Variants in MYH11 observed in about 807,000 individuals in gnomAD.
MYH11 encodes the protein myosin heavy chain 11, also known as myosin-11.
A neutral mutation model predicts 246.6 loss-of-function variants in MYH11; 80 were observed. The ratio of observed to expected loss-of-function variants is 0.32; its 90% CI spans 0.27 to 0.39. The LOEUF (loss-of-function observed/expected upper bound fraction) is 0.39, where lower values mean the gene tolerates loss of function less well. Ranked by LOEUF, MYH11 falls within the 10% of genes least tolerant of loss-of-function variation. The probability of loss-of-function intolerance (pLI) is 1.00; values close to 1 mark genes in which losing one functional copy is unlikely to be tolerated. For missense variants in MYH11, 2,158 were observed against 2,546.8 expected (o/e 0.85, Z 3.29); for synonymous variants, 1,071 against 1,015.5 (o/e 1.05, Z -1.04).
chr16:15,729,507 G>A (rs72772024), intron 27 of MYH11, among the ~76,000 whole-genome samples: 5,731 of 152,046 alleles, frequency 0.038, 154 homozygotes, highest in Middle Eastern at 0.078. Flanking sequence ...CAAGCATGGG[G>A]AGGGTCAGTG....
Position 15,719,666 on chromosome 16 carries a change from G to A in MYH11, c.5001C>T (p.Ser1667=), listed in dbSNP as rs1431318973. 3 of 1,614,044 alleles carry A rather than the reference G, an allele frequency of 1.9e-6. No individual in the cohort carries two copies. The highest frequency in any genetic ancestry group is 2.5e-6 in the Non-Finnish European group (3 of 1,180,036). Residue 1667 remains serine (S), a synonymous_variant, in exon 35 of 41, where the codon TCC becomes TCT. Transcript: ENST00000300036. ...FQRELEDARA[S]RDEIFATAKE... is the part of the protein sequence containing the mutation. Reference sequence around the variant, plus strand: ...TGGCTGTGGCAAAGATCTCATCTCTGGAGGCACGGGCATCTTCCAGCTCTC... The same window carrying A: ...TGGCTGTGGCAAAGATCTCATCTCTAGAGGCACGGGCATCTTCCAGCTCTC...
chr16:15,729,954 G>A (rs571674954), intron 27 of MYH11, among the ~76,000 whole-genome samples: 1 of 152,224 alleles, frequency 6.6e-6, no homozygotes, highest in South Asian at 2.1e-4. Context: ...CCAAAGTGCT[G>A]GGATTATAAG....
chr16:15,716,345 T>C (rs930695979), intron 38 of MYH11, among the ~76,000 whole-genome samples: 1 of 152,134 alleles, frequency 6.6e-6, no homozygotes, highest in African/African-American at 2.4e-5. Context: ...AATGGGTGCA[T>C]TGCAGGGCGT....
chr16:15,757,467 C>A (rs2041754272), intron 13 of MYH11, among the ~76,000 whole-genome samples: 1 of 130,190 alleles, frequency 7.7e-6, no homozygotes, highest in South Asian at 2.4e-4. Context: ...CAAGATTGTG[C>A]CACTGCACTC....
chr16:15,760,062 A>AC lies in MYH11; in HGVS notation c.1249-335dup, dbSNP rs143881323. The stretch of plus-strand genomic sequence containing the variant: ...CAGTGAGCTGCGATGGCACCACTGC[A>AC]CCCCCCCCTGGGCAACAGAGCAAGG... On this transcript the variant is annotated intron_variant, in intron 11 of 40. Coordinates refer to ENST00000300036, the MANE Select transcript of MYH11 (RefSeq NM_002474.3). Among the ~76,000 whole-genome samples, 56 of 151,688 alleles carry AC rather than the reference A, an allele frequency of 3.7e-4. No individual in the cohort carries two copies. In the South Asian group the frequency reaches 4.4e-3, roughly 12 times the overall value.
At chr16:15,759,483 C>A (rs1390756737) in intron 12 of MYH11, 93 bp downstream of exon 12, 43 of 1,546,554 alleles carry the variant, frequency 2.8e-5, no homozygotes, top group Non-Finnish European at 3.8e-5. Flanking sequence ...CAGTAGCCAT[C>A]TACATGCCTT....
intron 2 of MYH11, among the ~76,000 whole-genome samples, chr16:15,827,818 C>T (rs7191126): frequency 0.097 from 14,706 of 152,266 alleles, 1,531 homozygotes; most frequent in African/African-American, 0.26. Context: ...GTGGACTACA[C>T]TGAGCCAGGC....
intron 3 of MYH11, among the ~76,000 whole-genome samples, chr16:15,808,260 C>T (rs2043060018): frequency 6.6e-6 from 1 of 152,194 alleles, no homozygotes; most frequent in African/African-American, 2.4e-5. Context: ...CTGCTAATGC[C>T]TGTTGAACTT....
intron 3 of MYH11, among the ~76,000 whole-genome samples, chr16:15,819,050 T>A (rs2043336331): frequency 6.6e-6 from 1 of 151,974 alleles, no homozygotes; most frequent in African/African-American, 2.4e-5. Context: ...AGCTAATTAT[T>A]TTTTTGTAGA....
At chr16:15,732,737 G>A (rs376546395) in intron 26 of MYH11, 29 bp from the exon 27 acceptor site, 14 of 1,613,786 alleles carry the variant, frequency 8.7e-6, no homozygotes, top group Non-Finnish European at 1.2e-5. Context: ...GTGAATGGCA[G>A]TTGGGTGGAG....
intron 19 of MYH11, among the ~76,000 whole-genome samples, chr16:15,745,619 C>G (rs1160723169): frequency 1.6e-5 from 2 of 123,042 alleles, no homozygotes; most frequent in South Asian, 5.1e-4. Flanking sequence ...TAGAGTTTCG[C>G]TCTTGTTGCC....
intron 3 of MYH11, among the ~76,000 whole-genome samples, chr16:15,819,630 C>A (rs778927756): frequency 1.6e-4 from 24 of 152,142 alleles, no homozygotes; most frequent in Non-Finnish European, 3.1e-4. Context: ...GGAAAACAAG[C>A]TCAGGGCTCC....
intron 12 of MYH11, among the ~76,000 whole-genome samples, chr16:15,758,495 C>T (rs1403324067): frequency 5.9e-5 from 9 of 151,884 alleles, no homozygotes; most frequent in Admixed American, 2.0e-4. Flanking sequence ...CATAGCGAAA[C>T]CTCTCTCCAC....
chr16:15,745,190 T>C lies in MYH11; in HGVS notation c.2459A>G (p.Gln820Arg), dbSNP rs201306276. ...CTTGAGGTAGGCGGCGCAGTTCCTCTGAATCACCTTCATGGCGGTCAGCTG... is the reference window on the plus strand; with the variant it reads ...CTTGAGGTAGGCGGCGCAGTTCCTCCGAATCACCTTCATGGCGGTCAGCTG... ...QQQLTAMKVI[Q>R]RNCAAYLKLR... Residue 820 changes from glutamine to arginine, a missense_variant, in exon 20 of 41, where the codon CAG (glutamine) becomes CGG (arginine). Physicochemically the swap from Gln to Arg is conservative, Grantham distance 43 (BLOSUM62 1). Coordinates refer to ENST00000300036, the MANE Select transcript of MYH11 (RefSeq NM_002474.3). 6.2e-7 allele frequency: 1 copy of C among 1,613,992 alleles called. No homozygotes were observed. The highest frequency in any genetic ancestry group is 2.2e-5 in the East Asian group (1 of 44,870).
At position 15,735,222 on chromosome 16, in the gene MYH11, C is replaced by T. The variant is rs571347581; in HGVS notation, c.3506+144G>A. The T allele has an allele frequency of 4.9e-6, 4 of 823,166 alleles. No homozygotes were observed. In the Admixed American group the frequency reaches 9.0e-5, roughly 19 times the overall value. 51.0% of individuals were successfully genotyped at this position (823,166 alleles called of 1,614,324 possible). A position where few individuals can be genotyped will look rare whatever the true frequency, so the allele number is the denominator to read the frequency against. On this transcript the variant is annotated intron_variant, in intron 26 of 40. Coordinates refer to ENST00000300036, the MANE Select transcript of MYH11 (RefSeq NM_002474.3). ...GAAAAAAAAGAAACAGCCAACCATG[C>T]TTCTATAAGTTAAAGCAAACCGCGG...
chr16:15,788,793 AAT>A (rs373809301), intron 4 of MYH11, among the ~76,000 whole-genome samples: 23,855 of 121,236 alleles, frequency 0.2, 2,021 homozygotes, highest in African/African-American at 0.24. Context: ...CTAAGACCAG[AAT>A]ATATGTGTGT....
At chr16:15,785,782 G>A (rs1158460222) in intron 5 of MYH11, 4 of 152,548 alleles carry the variant, frequency 2.6e-5, no homozygotes, top group African/African-American at 9.7e-5. Context: ...GAGAAGGATG[G>A]GCCCTAGAGG....
chr16:15,788,796 ATATGTGTGTGTGTG>A (rs1386205521), intron 4 of MYH11, among the ~76,000 whole-genome samples: 63 of 94,948 alleles, frequency 6.6e-4, no homozygotes, highest in East Asian at 1.9e-3. Flanking sequence ...AGACCAGAAT[ATATGTGTGTGTGTG>A]TGTGTGTGTG....
intron 8 of MYH11, among the ~76,000 whole-genome samples, chr16:15,772,209 A>C (rs1414913817): frequency 1.4e-5 from 2 of 145,560 alleles, no homozygotes; most frequent in Non-Finnish European, 3.0e-5. Flanking sequence ...CTCCTGCCTC[A>C]ACCTCCTGAG....
Sources: allele counts gnomAD v4.1 joint callset (sites outside exome capture counted in the v4.1 genomes callset), GRCh38; gene constraint gnomAD v4.1.1; transcripts MANE v1.5; gene names NCBI Gene and HGNC (gene_info 2026-07-23, HGNC 2026-07-21).